The following ADAMTS12 variants were observed in gnomAD, a reference collection of about 807,000 sequenced individuals.
ADAMTS12 encodes ADAM metallopeptidase with thrombospondin type 1 motif 12, also known as A disintegrin and metalloproteinase with thrombospondin motifs 12.
ADAMTS12 carries 118 observed loss-of-function variants against 167.8 expected under a neutral mutation model. The observed-to-expected ratio is 0.70, with a 90% CI of 0.61 to 0.82. The LOEUF (loss-of-function observed/expected upper bound fraction) is 0.82, where lower values mean the gene tolerates loss of function less well. ADAMTS12 is among the 40% of genes least tolerant of loss of function. The pLI, the probability that ADAMTS12 is intolerant of heterozygous loss-of-function variation, is 0.00. For synonymous variants in ADAMTS12, 704 were observed against 716.9 expected (o/e 0.98, Z 0.29); for missense variants, 1,916 against 1,998.8 (o/e 0.96, Z 0.79).
intron 21 of ADAMTS12, among the ~76,000 whole-genome samples, chr5:33,547,717 G>T (rs73078351): frequency 0.047 from 7,089 of 152,152 alleles, 555 homozygotes; most frequent in African/African-American, 0.16. Context: ...TCCTGATGGC[G>T]ATCCGAGAAG....
At chr5:33,669,868 G>C (rs12697294) in intron 5 of ADAMTS12, among the ~76,000 whole-genome samples, 144,907 of 152,058 alleles carry the variant, frequency 0.95, 69,440 homozygotes, top group Non-Finnish European at 1. Flanking sequence ...CAAAATGGAT[G>C]ATAGACTTAA....
In ADAMTS12 at chr5:33,549,282, G is replaced by A. The variant is rs61748195; in HGVS notation, c.4227C>T (p.Ala1409=). The A allele has an allele frequency of 0.1, 165,178 of 1,614,094 alleles. 9,486 individuals are homozygous for A. The highest frequency in any genetic ancestry group is 0.12 in the Non-Finnish European group (139,081 of 1,179,972). Residue 1409 remains alanine, a synonymous_variant, in exon 21 of 24, where the codon GCC becomes GCT. Transcript: ENST00000504830. ...TCATGCTCAATGGGGGAGGAATGCC[G>A]GCCAGGAACTGGCAGTGAAATGGCC... The part of the protein sequence containing the change: ...NLRPFHCQFL[A]GIPPPLSMSC...
At chr5:33,678,309 T>C (rs1315164726) in intron 5 of ADAMTS12, among the ~76,000 whole-genome samples, 1 of 152,226 alleles carries the variant, frequency 6.6e-6, no homozygotes, top group Non-Finnish European at 1.5e-5. Flanking sequence ...CTTTCTCCTA[T>C]TTAGTATTTG....
intron 19 of ADAMTS12, among the ~76,000 whole-genome samples, chr5:33,574,207 G>A (rs1269631923): frequency 1.3e-5 from 2 of 151,828 alleles, no homozygotes; most frequent in Non-Finnish European, 2.9e-5. Flanking sequence ...CAGGGATCTA[G>A]AACTAGAAAT....
intron 16 of ADAMTS12, among the ~76,000 whole-genome samples, chr5:33,602,415 C>T (rs1237078937): frequency 6.6e-6 from 1 of 152,192 alleles, no homozygotes; most frequent in Non-Finnish European, 1.5e-5. Flanking sequence ...GAGTATCCAT[C>T]TCTCAATTCC....
At chr5:33,793,607 C>CT (rs906561419) in intron 2 of ADAMTS12, among the ~76,000 whole-genome samples, 3 of 152,114 alleles carry the variant, frequency 2.0e-5, no homozygotes, top group East Asian at 1.9e-4. Context: ...TTTACCCAAA[C>CT]TTTTTTTTCT....
At chr5:33,643,587 G>T in intron 9 of ADAMTS12, 117 bp from the exon 10 acceptor site, 1 of 806,058 alleles carries the variant, frequency 1.2e-6, no homozygotes, top group Admixed American at 2.3e-5. Context: ...ACTGTTGTTA[G>T]TGACTAAGAG....
intron 2 of ADAMTS12, among the ~76,000 whole-genome samples, chr5:33,867,843 C>G (rs537912353): frequency 3.9e-5 from 6 of 151,946 alleles, no homozygotes; most frequent in Non-Finnish European, 7.4e-5. Context: ...GATTTGTGTC[C>G]CTGCCCAAAT....
At chr5:33,751,824 T>A (rs1487242702) in intron 2 of ADAMTS12, among the ~76,000 whole-genome samples, 2 of 152,240 alleles carry the variant, frequency 1.3e-5, no homozygotes, top group Non-Finnish European at 2.9e-5. Flanking sequence ...TAGCCTACAA[T>A]TCTTTAGGTT....
chr5:33,637,601 G>A lies in ADAMTS12; in HGVS notation c.1864C>T (p.His622Tyr). ...CCTGGGTTAAAAATGGGAAACCAGT[G>A]GTAGAGTTCATTCTTGTAGGGAACA... ...DTVPYKNELYHWFPIFNPAHP... is the reference protein window; with the variant it reads ...DTVPYKNELYYWFPIFNPAHP... The change falls in exon 12 of 24, where the codon CAC becomes TAC. Residue 622 changes from histidine (H) to tyrosine (Y), a missense_variant. Physicochemically the swap from His to Tyr is moderately conservative, Grantham distance 83. Coordinates refer to ENST00000504830, the MANE Select transcript of ADAMTS12 (RefSeq NM_030955.4). The A allele has an allele frequency of 6.2e-7, 1 of 1,613,370 alleles. No individual in the cohort carries two copies. The highest frequency in any genetic ancestry group is 8.5e-7 in the Non-Finnish European group (1 of 1,179,494).
chr5:33,643,502 T>A (rs772379245), intron 9 of ADAMTS12, 32 bp from the exon 10 acceptor site: 1 of 1,597,190 alleles, frequency 6.3e-7, no homozygotes. Flanking sequence ...TTTTGTATTT[T>A]CAAAACCTGC....
chr5:33,856,385 CTT>C, intron 2 of ADAMTS12, among the ~76,000 whole-genome samples: 1 of 152,210 alleles, frequency 6.6e-6, no homozygotes, highest in South Asian at 2.1e-4. Flanking sequence ...CTATATGACT[CTT>C]ATAGTCACAC....
chr5:33,564,483 T>C (rs1170212970), intron 19 of ADAMTS12, among the ~76,000 whole-genome samples: 1 of 152,214 alleles, frequency 6.6e-6, no homozygotes, highest in Admixed American at 6.5e-5. Context: ...TATCAAAGAC[T>C]TATGAGCAGG....
intron 1 of ADAMTS12, among the ~76,000 whole-genome samples, chr5:33,884,357 G>A (rs1029004483): frequency 7.2e-5 from 11 of 152,108 alleles, no homozygotes; most frequent in African/African-American, 1.2e-4. Flanking sequence ...AACCATGATC[G>A]CTGACATCCC....
intron 3 of ADAMTS12, among the ~76,000 whole-genome samples, chr5:33,748,639 T>C (rs1304320980): frequency 2.0e-5 from 3 of 152,218 alleles, no homozygotes; most frequent in Non-Finnish European, 4.4e-5. Context: ...CTTTCTTCAA[T>C]ATCTAGAGTG....
At chr5:33,809,704 T>C (rs1286600892) in intron 2 of ADAMTS12, among the ~76,000 whole-genome samples, 3 of 151,542 alleles carry the variant, frequency 2.0e-5, no homozygotes, top group Non-Finnish European at 4.4e-5. Context: ...ACTTAAGAGG[T>C]AAGGGGTTCT....
At chr5:33,884,132 A>G (rs1431704968) in intron 1 of ADAMTS12, among the ~76,000 whole-genome samples, 1 of 152,174 alleles carries the variant, frequency 6.6e-6, no homozygotes, top group Non-Finnish European at 1.5e-5. Flanking sequence ...GGCGCCTTCT[A>G]TTAAGAGAAG....
At chr5:33,645,727 T>C (rs1168141623) in intron 9 of ADAMTS12, among the ~76,000 whole-genome samples, 2 of 152,170 alleles carry the variant, frequency 1.3e-5, no homozygotes, top group Non-Finnish European at 2.9e-5. Context: ...AGTTATAACA[T>C]GGATAATGCT....
chr5:33,571,652 T>A (rs1444132711), intron 19 of ADAMTS12, among the ~76,000 whole-genome samples: 1 of 150,046 alleles, frequency 6.7e-6, no homozygotes, highest in Non-Finnish European at 1.5e-5. Context: ...GCAGGAAAGA[T>A]CCAAAATTGA....
Sources: allele counts gnomAD v4.1 joint callset (sites outside exome capture counted in the v4.1 genomes callset), GRCh38; gene constraint gnomAD v4.1.1; transcripts MANE v1.5; gene names NCBI Gene and HGNC (gene_info 2026-07-23, HGNC 2026-07-21).